The following SOX6 variants were observed in gnomAD, a reference collection of about 807,000 sequenced individuals.
SOX6 encodes transcription factor SOX-6.
A neutral mutation model predicts 97.8 loss-of-function variants in SOX6; 11 were observed. The ratio of observed to expected loss-of-function variants is 0.11; its 90% confidence interval spans 0.07 to 0.19. The LOEUF (loss-of-function observed/expected upper bound fraction) is 0.19, where lower values mean the gene tolerates loss of function less well. Ranked by LOEUF, SOX6 falls within the 10% of genes least tolerant of loss-of-function variation. The pLI, the probability that SOX6 is intolerant of heterozygous loss-of-function variation, is 1.00. For synonymous variants in SOX6, 360 were observed against 371.4 expected (o/e 0.97, Z 0.35); for missense variants, 810 against 1,039.5 (o/e 0.78, Z 3.04).
At chr11:16,262,602 G>A (rs1853937376) in intron 3 of SOX6, among the ~76,000 whole-genome samples, 2 of 152,092 alleles carry the variant, frequency 1.3e-5, no homozygotes, top group South Asian at 4.1e-4. Flanking sequence ...AAGGGTGATA[G>A]TATCTGTAGC....
intron 4 of SOX6, among the ~76,000 whole-genome samples, chr11:16,494,183 C>G (rs1326879562): frequency 2.0e-5 from 3 of 151,994 alleles, no homozygotes; most frequent in African/African-American, 7.2e-5. Context: ...TCAAGACCAG[C>G]CTGGCCAACA....
intron 6 of SOX6, among the ~76,000 whole-genome samples, chr11:16,126,263 A>T (rs1408282568): frequency 6.6e-6 from 1 of 152,086 alleles, no homozygotes; most frequent in African/African-American, 2.4e-5. Context: ...GATCAAATCT[A>T]TAGACTTTTT....
chr11:16,728,867 C>T (rs901464071), intron 2 of SOX6, among the ~76,000 whole-genome samples: 2 of 152,138 alleles, frequency 1.3e-5, no homozygotes, highest in Non-Finnish European at 2.9e-5. Flanking sequence ...ACTAGAATAA[C>T]CAGTTTAGAG....
At chr11:16,260,025 G>A (rs538005062) in intron 3 of SOX6, among the ~76,000 whole-genome samples, 27 of 148,762 alleles carry the variant, frequency 1.8e-4, no homozygotes, top group African/African-American at 6.4e-4. Flanking sequence ...ATTTTTAGAC[G>A]GAGTCTCGCT....
chr11:16,330,911 G>T (rs1856271273), intron 2 of SOX6, among the ~76,000 whole-genome samples: 1 of 151,816 alleles, frequency 6.6e-6, no homozygotes, highest in African/African-American at 2.4e-5. Flanking sequence ...AAGGCCCCCA[G>T]ATAAAAAAAG....
At chr11:16,421,220 A>G (rs1009414870) in intron 1 of SOX6, among the ~76,000 whole-genome samples, 3 of 152,152 alleles carry the variant, frequency 2.0e-5, no homozygotes, top group Admixed American at 6.5e-5. Flanking sequence ...AAATCAGCAC[A>G]TCATTGTTAA....
chr11:16,481,045 T>A (rs994706601), upstream of SOX6, among the ~76,000 whole-genome samples: 1 of 152,148 alleles, frequency 6.6e-6, no homozygotes, highest in Non-Finnish European at 1.5e-5. Context: ...CAAATTCAAG[T>A]GGGTTTTGCA....
At chr11:16,214,261 A>G (rs61881699) in intron 4 of SOX6, among the ~76,000 whole-genome samples, 15,898 of 152,192 alleles carry the variant, frequency 0.1, 904 homozygotes, top group South Asian at 0.17. Context: ...ACATTAGTCT[A>G]TAACTATACT....
At chr11:16,214,416 G>A (rs10500828) in intron 4 of SOX6, among the ~76,000 whole-genome samples, 72,608 of 151,884 alleles carry the variant, frequency 0.48, 17,528 homozygotes, top group South Asian at 0.61. Flanking sequence ...CATCTTATAC[G>A]CTGACTCATT....
chr11:16,699,523 C>G (rs1848077664), intron 3 of SOX6, among the ~76,000 whole-genome samples: 1 of 152,162 alleles, frequency 6.6e-6, no homozygotes, highest in Non-Finnish European at 1.5e-5. Context: ...GTGTTTTAAA[C>G]AAGTGATTCT....
chr11:16,679,985 T>C (rs745706651), intron 3 of SOX6, among the ~76,000 whole-genome samples: 5 of 152,220 alleles, frequency 3.3e-5, no homozygotes, highest in Non-Finnish European at 5.9e-5. Flanking sequence ...TATGTCTGAT[T>C]GGTGTAACTG....
chr11:16,408,732 G>T (rs1858735584), intron 1 of SOX6: 1 of 151,360 alleles, frequency 6.6e-6, no homozygotes, highest in Non-Finnish European at 1.5e-5. Flanking sequence ...CAGAGTGATA[G>T]GGTCTCACTA....
In SOX6 at chr11:16,320,957, C is replaced by A. The variant is rs371463256; in HGVS notation, c.238-2304G>T. ...CTCTTCTTTACCTTTCTTCTAGATCCCTTCCTTCCTCCAGGAAAGATGTTT... is the reference window on the plus strand; with the variant it reads ...CTCTTCTTTACCTTTCTTCTAGATCACTTCCTTCCTCCAGGAAAGATGTTT... On this transcript the variant is annotated intron_variant, in intron 2 of 15. Coordinates refer to ENST00000683767, the MANE Select transcript of SOX6 (RefSeq NM_001367873.1). Among the ~76,000 whole-genome samples, 7 of 152,140 alleles carry A rather than the reference C, an allele frequency of 4.6e-5. No individual in the cohort carries two copies. The East Asian group carries it at 1.2e-3, about 25-fold the overall frequency.
At chr11:16,710,183 C>T (rs922050725) in intron 3 of SOX6, among the ~76,000 whole-genome samples, 2 of 152,272 alleles carry the variant, frequency 1.3e-5, no homozygotes, top group Non-Finnish European at 2.9e-5. Flanking sequence ...ACAAAATTAA[C>T]ATCTTGAAGG....
chr11:16,151,427 G>A (rs1195035150), intron 6 of SOX6, among the ~76,000 whole-genome samples: 1 of 152,094 alleles, frequency 6.6e-6, no homozygotes, highest in Non-Finnish European at 1.5e-5. Flanking sequence ...TCACCTAATA[G>A]TTCATACCAT....
At chr11:16,053,325 C>G (rs754922644) in intron 10 of SOX6, among the ~76,000 whole-genome samples, 4 of 152,128 alleles carry the variant, frequency 2.6e-5, no homozygotes, top group Non-Finnish European at 5.9e-5. Flanking sequence ...AAGAGTAAAT[C>G]TGTTTTTGTT....
At chr11:16,706,528 TA>T (rs1277711038) in intron 3 of SOX6, among the ~76,000 whole-genome samples, 1 of 101,334 alleles carries the variant, frequency 9.9e-6, no homozygotes, top group African/African-American at 4.0e-5. Context: ...ATATATAGTG[TA>T]AGACGGTATT....
At chr11:16,272,067 G>A (rs1433862372) in intron 3 of SOX6, among the ~76,000 whole-genome samples, 1 of 151,062 alleles carries the variant, frequency 6.6e-6, no homozygotes, top group African/African-American at 2.4e-5. Context: ...TTTTAGTTCT[G>A]TAACATTCAG....
At chr11:16,629,087 C>T (rs1179372234) in intron 3 of SOX6, among the ~76,000 whole-genome samples, 2 of 152,158 alleles carry the variant, frequency 1.3e-5, no homozygotes, top group Non-Finnish European at 2.9e-5. Context: ...ACTTTCATTT[C>T]TGTCTCTTGC....
Sources: allele counts gnomAD v4.1 joint callset (sites outside exome capture counted in the v4.1 genomes callset), GRCh38; gene constraint gnomAD v4.1.1; transcripts MANE v1.5; gene names NCBI Gene and HGNC (gene_info 2026-07-23, HGNC 2026-07-21).